The following RTKN2 variants were observed in gnomAD, a reference collection of about 807,000 sequenced individuals.
RTKN2 encodes the protein rhotekin 2.
Under a neutral mutation model 71.5 loss-of-function variants are expected in RTKN2, and 69 were observed. The ratio of observed to expected loss-of-function variants is 0.96; its 90% CI spans 0.79 to 1.18. The LOEUF is 1.18. RTKN2 is among the 50% of genes most tolerant of loss of function. The pLI, the probability that RTKN2 is intolerant of heterozygous loss-of-function variation, is 0.00. For missense variants in RTKN2, 724 were observed against 719.7 expected (o/e 1.01, Z -0.07); for synonymous variants, 236 against 236.5 (o/e 1.00, Z 0.02).
chr10:62,239,832 A>G (rs1842337225), intron 4 of RTKN2, 67 bp from the exon 5 acceptor site: 1 of 780,850 alleles, frequency 1.3e-6, no homozygotes, highest in Admixed American at 2.2e-5. Flanking sequence ...AATCTACTTG[A>G]AAATAAATAT....
At chr10:62,249,009 C>T (rs77223554) in intron 2 of RTKN2, among the ~76,000 whole-genome samples, 2,531 of 152,186 alleles carry the variant, frequency 0.017, 67 homozygotes, top group African/African-American at 0.057. Flanking sequence ...GAAATTTTAA[C>T]CCATCCTAAA....
chr10:62,257,404 T>C (rs1377875547), intron 2 of RTKN2, among the ~76,000 whole-genome samples: 2 of 152,216 alleles, frequency 1.3e-5, no homozygotes, highest in African/African-American at 2.4e-5. Flanking sequence ...TTTGGGTCCT[T>C]ACCATGGACA....
In RTKN2 at chr10:62,194,072, T is replaced by C; in HGVS notation, c.*3836A>G. The C allele has an allele frequency of 2.0e-6, 2 of 981,548 alleles. No homozygotes were observed. Among genetic ancestry groups the C allele is most frequent in the South Asian group, 9.4e-5 (2 of 21,204 alleles). 60.8% of individuals were successfully genotyped at this position (981,548 alleles called of 1,614,324 possible). A position where few individuals can be genotyped will look rare whatever the true frequency, so the allele number is the denominator to read the frequency against. ...GGGCTCGCTTACCAAATACCTTTGG[T>C]ACTTTAAAAAATGTATGTCCATGAT... On this transcript the variant is annotated 3_prime_UTR_variant, in exon 12 of 12. Coordinates refer to ENST00000373789, the MANE Select transcript of RTKN2 (RefSeq NM_145307.4).
chr10:62,196,285 T>A lies in RTKN2; in HGVS notation c.*1623A>T. On this transcript the variant is annotated 3_prime_UTR_variant, in exon 12 of 12. Transcript: ENST00000373789. ...CTAGTTAGAAAAAATAAGTTTACTT[T>A]TTAAGGTTTCCATACATGTGATGAT... 1 of 983,058 alleles carries A rather than the reference T, an allele frequency of 1.0e-6. No homozygotes were observed. The highest frequency in any genetic ancestry group is 1.2e-6 in the Non-Finnish European group (1 of 827,798). 60.9% of individuals were successfully genotyped at this position (983,058 alleles called of 1,614,324 possible).
chr10:62,230,166 TTTTC>T (rs1842118316), intron 6 of RTKN2, among the ~76,000 whole-genome samples: 1 of 152,176 alleles, frequency 6.6e-6, no homozygotes, highest in Non-Finnish European at 1.5e-5. Flanking sequence ...ATTTTTCTTT[TTTTC>T]TTTTTCTTTT....
At chr10:62,239,840 T>C in intron 4 of RTKN2, 75 bp from the exon 5 acceptor site, 1 of 747,142 alleles carries the variant, frequency 1.3e-6, no homozygotes, top group Non-Finnish European at 2.3e-6. Context: ...TGAAAATAAA[T>C]ATTAGGTTAA....
intron 1 of RTKN2, among the ~76,000 whole-genome samples, chr10:62,265,555 TCAATGTATTCTGAGCTGTTGG>T (rs1364719647): frequency 6.8e-6 from 1 of 147,694 alleles, no homozygotes; most frequent in African/African-American, 2.5e-5. Context: ...CATATGGTTT[TCAATGTATTCTGAGCTGTTGG>T]TTTTTTTTTT....
At chr10:62,252,178 T>C (rs994901266) in intron 2 of RTKN2, among the ~76,000 whole-genome samples, 4 of 151,998 alleles carry the variant, frequency 2.6e-5, no homozygotes, top group Non-Finnish European at 4.4e-5. Context: ...TCCAGTAAAA[T>C]AATCAGACTT....
intron 1 of RTKN2, among the ~76,000 whole-genome samples, chr10:62,265,883 G>C (rs138291753): frequency 9.9e-4 from 151 of 152,308 alleles, no homozygotes; most frequent in African/African-American, 3.5e-3. Flanking sequence ...GATGAGTAGG[G>C]AATGGAAAAT....
chr10:62,185,414 G>A (rs1841118225), intron 8 of RTKN2, among the ~76,000 whole-genome samples: 1 of 152,062 alleles, frequency 6.6e-6, no homozygotes, highest in Admixed American at 6.5e-5. Context: ...TCAGGAGTTC[G>A]AGACCAGCCT....
At chr10:62,233,821 A>G (rs746842910) in intron 6 of RTKN2, among the ~76,000 whole-genome samples, 1 of 152,186 alleles carries the variant, frequency 6.6e-6, no homozygotes, top group African/African-American at 2.4e-5. Flanking sequence ...AATTCTGATG[A>G]CTGGCATTTC....
At chr10:62,225,040 A>G (rs1841991091) in intron 6 of RTKN2, among the ~76,000 whole-genome samples, 3 of 119,546 alleles carry the variant, frequency 2.5e-5, no homozygotes, top group Non-Finnish European at 5.5e-5. Flanking sequence ...TTTTGACCAA[A>G]CTCTAGCCAT....
chr10:62,265,985 T>C (rs548983437), intron 1 of RTKN2, among the ~76,000 whole-genome samples: 1 of 152,300 alleles, frequency 6.6e-6, no homozygotes, highest in East Asian at 1.9e-4. Context: ...TCTGTAACCA[T>C]TCCTTTTAGG....
At chr10:62,237,588 G>A (rs1172786140) in intron 5 of RTKN2, among the ~76,000 whole-genome samples, 1 of 151,750 alleles carries the variant, frequency 6.6e-6, no homozygotes, top group Non-Finnish European at 1.5e-5. Flanking sequence ...GTATTTATAT[G>A]TGTAATTTTC....
At position 62,225,856 on chromosome 10, in the gene RTKN2, A is replaced by G. The variant is rs1024521827; in HGVS notation, c.687-2524T>C. 6.7e-5 allele frequency among the ~76,000 whole-genome samples: 10 copies of G among 149,426 alleles called. No individual in the cohort carries two copies. The South Asian group carries it at 1.7e-3, about 25-fold the overall frequency. ...GAGTGCAGTGGCACAATCTCGACTC[A>G]CTGCAAGCTCCGCCTTCCGGGTTCA... On this transcript the variant is annotated intron_variant, in intron 6 of 11. Coordinates refer to ENST00000373789, the MANE Select transcript of RTKN2 (RefSeq NM_145307.4).
intron 3 of RTKN2, among the ~76,000 whole-genome samples, chr10:62,241,828 A>G (rs1842381775): frequency 6.6e-6 from 1 of 152,098 alleles, no homozygotes; most frequent in Non-Finnish European, 1.5e-5. Flanking sequence ...CCTCCCGAGT[A>G]GCTGGGACTA....
At chr10:62,243,822 C>G (rs921825839) in intron 3 of RTKN2, among the ~76,000 whole-genome samples, 44 of 152,250 alleles carry the variant, frequency 2.9e-4, no homozygotes, top group African/African-American at 1.1e-3. Context: ...CATAATAAGA[C>G]AGCTGACTTG....
chr10:62,228,027 T>G (rs1842066430), intron 6 of RTKN2, among the ~76,000 whole-genome samples: 1 of 152,178 alleles, frequency 6.6e-6, no homozygotes, highest in Non-Finnish European at 1.5e-5. Context: ...TTTAAGACTG[T>G]TTTTGATATC....
At chr10:62,240,117 C>G (rs1842343267) in intron 4 of RTKN2, among the ~76,000 whole-genome samples, 1 of 151,994 alleles carries the variant, frequency 6.6e-6, no homozygotes, top group Non-Finnish European at 1.5e-5. Flanking sequence ...CACACACACA[C>G]TACTACTACC....
Sources: allele counts gnomAD v4.1 joint callset (sites outside exome capture counted in the v4.1 genomes callset), GRCh38; gene constraint gnomAD v4.1.1; transcripts MANE v1.5; gene names NCBI Gene and HGNC (gene_info 2026-07-23, HGNC 2026-07-21).